Variants in PPP2R2C observed in about 807,000 individuals in gnomAD.
PPP2R2C encodes the protein protein phosphatase 2 regulatory subunit Bgamma, also known as protein phosphatase 2, regulatory subunit B, gamma.
PPP2R2C carries 10 observed loss-of-function variants against 45.3 expected under a neutral mutation model. That is an observed-to-expected ratio of 0.22 (90% CI 0.14 to 0.37). The LOEUF (loss-of-function observed/expected upper bound fraction) is 0.37, where lower values mean the gene tolerates loss of function less well. Among genes scored for constraint, PPP2R2C ranks in the 10% least tolerant of loss-of-function variants. PPP2R2C has a pLI of 1.00. For missense variants in PPP2R2C, 308 were observed against 619.7 expected, an observed-to-expected ratio of 0.50 and a Z score of 5.34; for synonymous variants, 257 against 245.4, an observed-to-expected ratio of 1.05 and a Z score of -0.44.
At chr4:6,474,460 G>A (rs1003026618), upstream of PPP2R2C, among the ~76,000 whole-genome samples, 9 of 152,170 alleles carry the variant, frequency 5.9e-5, no homozygotes, top group African/African-American at 1.9e-4. Context: ...CCACCCTCCC[G>A]CATGTTCCTC....
intron 1 of PPP2R2C, among the ~76,000 whole-genome samples, chr4:6,408,957 A>T (rs1717981577): frequency 6.6e-6 from 1 of 151,482 alleles, no homozygotes; most frequent in African/African-American, 2.4e-5. Flanking sequence ...ACATTAAAAG[A>T]TGCCAAGTGT....
rs1278611264 is a variant in PPP2R2C at position 6,347,991 on chromosome 4, C to G, written c.645G>C (p.Pro215=). The change falls in exon 6 of 9, where the codon CCG becomes CCC. Residue 215 remains proline, a synonymous_variant. Transcript: ENST00000382599. ...CCTCCGTAAGGTCCTCCATGTTGGC[C>G]GGCTTGATGTCCACGATGTCTGGGG... ...DRSFNIVDIK[P]ANMEDLTEVI... is the part of the protein sequence containing the mutation. 4 of 1,613,856 alleles carry G rather than the reference C, an allele frequency of 2.5e-6. No individual in the cohort carries two copies. The highest frequency in any genetic ancestry group is 3.4e-6 in the Non-Finnish European group (4 of 1,179,926).
At chr4:6,476,647 C>A (rs1369286681), upstream of PPP2R2C, among the ~76,000 whole-genome samples, 1 of 152,136 alleles carries the variant, frequency 6.6e-6, no homozygotes, top group African/African-American at 2.4e-5. Flanking sequence ...TTCTAGCAGT[C>A]CAAACTGACT....
intron 1 of PPP2R2C, among the ~76,000 whole-genome samples, chr4:6,469,639 G>C (rs571179919): frequency 1.3e-5 from 2 of 152,218 alleles, no homozygotes; most frequent in Non-Finnish European, 2.9e-5. Flanking sequence ...TTTACAAAGG[G>C]AAAGTGAAGC....
At chr4:6,487,483 G>A (rs939040190) in intron 2 of PPP2R2C, among the ~76,000 whole-genome samples, 2 of 151,910 alleles carry the variant, frequency 1.3e-5, no homozygotes, top group Admixed American at 6.6e-5. Context: ...ATGAACTCTA[G>A]TTTGACTACT....
At position 6,372,650 on chromosome 4, in the gene PPP2R2C, C is replaced by T. The variant is rs1271043396; in HGVS notation, c.498G>A (p.Arg166=). 1.2e-6 allele frequency: 2 copies of T among 1,614,062 alleles called. No individual in the cohort carries two copies. The highest frequency in any genetic ancestry group is 1.3e-5 in the African/African-American group (1 of 74,928). The change falls in exon 5 of 9, where the codon AGG becomes AGA. Residue 166 remains arginine (R), a synonymous_variant. Transcript: ENST00000382599. ...MDLMVEVSPR[R]IFANGHTYHI... ...GGTAGGTGTGGCCATTGGCAAAGAT[C>T]CTCCGAGGGCTCACCTCCACCATCA...
intron 6 of PPP2R2C, among the ~76,000 whole-genome samples, chr4:6,346,676 C>A (rs1577088941): frequency 6.6e-6 from 1 of 152,172 alleles, no homozygotes; most frequent in Admixed American, 6.5e-5. Context: ...GGGGCCAGAA[C>A]TTGGCCAAGG....
rs1553908405 is a variant in PPP2R2C, at chr4:6,542,709, A to AAAAGAAAAAAG, written c.-58-7333_-58-7332insCTTTTTTCTTT. On this transcript the variant is annotated intron_variant, in intron 1 of 9. Transcript: ENST00000506140. ...CAGAGCAAGACTCTGTCTCAAAAAA[A>AAAAGAAAAAAG]AAAAAGAAAAAGAAAAAAAGATCAT... Among the ~76,000 whole-genome samples the AAAAGAAAAAAG allele has an allele frequency of 3.1e-5, 4 of 127,836 alleles. No individual in the cohort carries two copies. In the South Asian group the frequency reaches 7.3e-4, roughly 23 times the overall value. The allele number at this position is 127,836 out of a possible 152,430, so 83.9% of individuals were successfully genotyped here. A position where few individuals can be genotyped will look rare whatever the true frequency, so the allele number is the denominator to read the frequency against.
At chr4:6,558,892 G>A (rs73086942) in intron 1 of PPP2R2C, among the ~76,000 whole-genome samples, 5,910 of 152,164 alleles carry the variant, frequency 0.039, 373 homozygotes, top group African/African-American at 0.13. Context: ...AAAGCCCAGC[G>A]TCATCTTTTT....
intron 1 of PPP2R2C, among the ~76,000 whole-genome samples, chr4:6,387,829 G>A (rs1716329774): frequency 1.3e-5 from 2 of 151,350 alleles, no homozygotes; most frequent in South Asian, 4.2e-4. Flanking sequence ...AGAGTGAAGG[G>A]CAAAATAAAA....
chr4:6,521,821 C>T (rs1203082858), intron 2 of PPP2R2C, among the ~76,000 whole-genome samples: 1 of 152,184 alleles, frequency 6.6e-6, no homozygotes, highest in Non-Finnish European at 1.5e-5. Context: ...GGAATTATTG[C>T]TACCCTCATA....
At chr4:6,366,002 C>T (rs540933501) in intron 5 of PPP2R2C, among the ~76,000 whole-genome samples, 3 of 152,258 alleles carry the variant, frequency 2.0e-5, no homozygotes, top group South Asian at 2.1e-4. Flanking sequence ...TATTAAAGGA[C>T]GCGAGAGGTT....
chr4:6,546,998 T>C (rs911695787), intron 1 of PPP2R2C, among the ~76,000 whole-genome samples: 4 of 152,206 alleles, frequency 2.6e-5, no homozygotes, highest in Non-Finnish European at 5.9e-5. Flanking sequence ...AGCCTCTAAA[T>C]GCTCCCAGCG....
At chr4:6,394,107 C>T (rs998207161) in intron 1 of PPP2R2C, among the ~76,000 whole-genome samples, 1 of 152,334 alleles carries the variant, frequency 6.6e-6, no homozygotes, top group East Asian at 1.9e-4. Context: ...CTTGCCAAGG[C>T]TCTGCCCAGA....
In PPP2R2C at chr4:6,516,552, A is replaced by C. The variant is rs1230138993; in HGVS notation, c.49+18719T>G. Among the ~76,000 whole-genome samples, 4 of 152,316 alleles carry C rather than the reference A, an allele frequency of 2.6e-5. No homozygotes were observed. In the East Asian group the frequency reaches 7.7e-4, roughly 29 times the overall value. Reference sequence around the variant, plus strand: ...TGTCCACCCTGCCCCAGGTGTGGGCAGTACTGCCGGGCCCATGACTCCTCC... The same window carrying C: ...TGTCCACCCTGCCCCAGGTGTGGGCCGTACTGCCGGGCCCATGACTCCTCC... On this transcript the variant is annotated intron_variant, in intron 2 of 9. Transcript: ENST00000506140.
At chr4:6,561,861 T>C (rs1484042484) in intron 1 of PPP2R2C, among the ~76,000 whole-genome samples, 3 of 152,188 alleles carry the variant, frequency 2.0e-5, no homozygotes, top group Non-Finnish European at 4.4e-5. Context: ...TGCCTACCCC[T>C]TTTCTGAAAA....
chr4:6,473,642 T>A (rs983545477), upstream of PPP2R2C, among the ~76,000 whole-genome samples: 4 of 152,096 alleles, frequency 2.6e-5, no homozygotes, highest in African/African-American at 9.7e-5. Context: ...ATGCTCCAGG[T>A]GGGGGCTGGT....
intron 2 of PPP2R2C, among the ~76,000 whole-genome samples, chr4:6,512,239 G>A (rs1223626672): frequency 9.3e-5 from 7 of 74,928 alleles, no homozygotes; most frequent in Admixed American, 1.3e-4. Flanking sequence ...GGTGATGGTG[G>A]GGGTGGTGGT....
At chr4:6,533,845 C>G (rs562279181) in intron 2 of PPP2R2C, among the ~76,000 whole-genome samples, 19 of 152,042 alleles carry the variant, frequency 1.2e-4, no homozygotes, top group African/African-American at 3.6e-4. Context: ...GCAGGCTGCT[C>G]GGTGAAAAGG....
Sources: allele counts gnomAD v4.1 joint callset (sites outside exome capture counted in the v4.1 genomes callset), GRCh38; gene constraint gnomAD v4.1.1; transcripts MANE v1.5; gene names NCBI Gene and HGNC (gene_info 2026-07-23, HGNC 2026-07-21).